TCF7L1: variants seen among roughly 807,000 people sequenced by gnomAD.
TCF7L1 encodes transcription factor 7 like 1.
In TCF7L1, 18 loss-of-function variants were observed where a neutral mutation model predicts 63.7. The ratio of observed to expected loss-of-function variants is 0.28; its 90% CI spans 0.20 to 0.42. TCF7L1 has a LOEUF of 0.42. Ranked by LOEUF, TCF7L1 falls within the 10% of genes least tolerant of loss-of-function variation. The pLI, the probability that TCF7L1 is intolerant of heterozygous loss-of-function variation, is 1.00. For synonymous variants in TCF7L1, 355 were observed against 340.9 expected (o/e 1.04, Z -0.46); for missense variants, 654 against 779.3 (o/e 0.84, Z 1.91).
chr2:85,167,969 G>T (rs1678458886), intron 3 of TCF7L1, among the ~76,000 whole-genome samples: 1 of 152,172 alleles, frequency 6.6e-6, no homozygotes, highest in Non-Finnish European at 1.5e-5. Context: ...GACAAATATT[G>T]TATGATTCTG....
chr2:85,180,277 T>C (rs1483520646), intron 3 of TCF7L1, among the ~76,000 whole-genome samples: 1 of 151,516 alleles, frequency 6.6e-6, no homozygotes, highest in Non-Finnish European at 1.5e-5. Context: ...TGTTGTATGT[T>C]ACCCAGGCTG....
chr2:85,163,740 G>C (rs1281586046), intron 3 of TCF7L1, among the ~76,000 whole-genome samples: 1 of 152,138 alleles, frequency 6.6e-6, no homozygotes, highest in Non-Finnish European at 1.5e-5. Flanking sequence ...GGCTGTGCGG[G>C]AGGGATCTGC....
In TCF7L1 at chr2:85,176,026, T is replaced by C. The variant is rs545581052; in HGVS notation, c.441+41576T>C. ...GACTTCCTTCTGATGAAATATTTACTAGCTTTTGTAGGAAGCCATCTCCTC... is the reference window on the plus strand; with the variant it reads ...GACTTCCTTCTGATGAAATATTTACCAGCTTTTGTAGGAAGCCATCTCCTC... On this transcript the variant is annotated intron_variant, in intron 3 of 11. Coordinates refer to ENST00000282111, the MANE Select transcript of TCF7L1 (RefSeq NM_031283.3). Among the ~76,000 whole-genome samples the C allele has an allele frequency of 2.6e-5, 4 of 152,366 alleles. No homozygotes were observed. In the East Asian group the frequency reaches 7.7e-4, roughly 29 times the overall value.
At chr2:85,164,446 T>C (rs1678367551) in intron 3 of TCF7L1, among the ~76,000 whole-genome samples, 1 of 152,162 alleles carries the variant, frequency 6.6e-6, no homozygotes, top group East Asian at 1.9e-4. Flanking sequence ...AAGAGGGGTT[T>C]GTTTTAAAGC....
At chr2:85,308,543 CT>C (rs1682196406) in intron 11 of TCF7L1, among the ~76,000 whole-genome samples, 2 of 132,026 alleles carry the variant, frequency 1.5e-5, no homozygotes, top group South Asian at 2.7e-4. Flanking sequence ...CCCTCCCTTT[CT>C]CCTTCCCTCC....
In TCF7L1 at chr2:85,306,418, G is replaced by A; in HGVS notation, c.1150-34G>A. On this transcript the variant is annotated intron_variant, in intron 9 of 11. Coordinates refer to ENST00000282111, the MANE Select transcript of TCF7L1 (RefSeq NM_031283.3). The surrounding 1 kb of genome is among the most constrained non-coding windows in gnomAD (Gnocchi z 4.3). ...AGGGAGGCAGCGTCCCTGCATTGATGGCTCCGTGTGGTCTCTGACCCTCTC... is the reference window on the plus strand; with the variant it reads ...AGGGAGGCAGCGTCCCTGCATTGATAGCTCCGTGTGGTCTCTGACCCTCTC... The A allele has an allele frequency of 6.2e-7, 1 of 1,613,682 alleles. No individual in the cohort carries two copies. The highest frequency in any genetic ancestry group is 8.5e-7 in the Non-Finnish European group (1 of 1,179,626).
intron 3 of TCF7L1, among the ~76,000 whole-genome samples, chr2:85,281,020 CTTTTTTTTTTT>C (rs56111730): frequency 9.5e-6 from 1 of 105,654 alleles, no homozygotes; most frequent in East Asian, 2.8e-4. Context: ...CCATTAGCTC[CTTTTTTTTTTT>C]TTTTTTTTTT....
Position 85,305,315 on chromosome 2 carries a change from C to T in TCF7L1, c.901C>T (p.Pro301Ser), listed in dbSNP as rs753284958. The T allele has an allele frequency of 6.2e-7, 1 of 1,613,962 alleles. No individual in the cohort carries two copies. ...GGTGGCTCCTGCCCACCCTGGCCTGCCCACCTCAGGGATCCCCCACCCTGC... is the reference window on the plus strand; with the variant it reads ...GGTGGCTCCTGCCCACCCTGGCCTGTCCACCTCAGGGATCCCCCACCCTGC... ...HMVAPAHPGL[P>S]TSGIPHPAIV... The change falls in exon 8 of 12, where the codon CCC (proline) becomes TCC (serine). Residue 301 changes from proline (P) to serine (S), a missense_variant. Pro to Ser is a moderately conservative substitution (Grantham distance 74). Coordinates refer to ENST00000282111, the MANE Select transcript of TCF7L1 (RefSeq NM_031283.3).
In TCF7L1 at chr2:85,134,512, G is replaced by A. The variant is rs536163850; in HGVS notation, c.441+62G>A. 101 of 1,534,042 alleles carry A rather than the reference G, an allele frequency of 6.6e-5. No individual in the cohort carries two copies. The African/African-American group carries it at 1.0e-3, about 16-fold the overall frequency. On this transcript the variant is annotated intron_variant, in intron 3 of 11. Coordinates refer to ENST00000282111, the MANE Select transcript of TCF7L1 (RefSeq NM_031283.3). This position sits in a 1 kb window ranked among gnomAD's most constrained non-coding sequence, Gnocchi z 5.0. The stretch of plus-strand genomic sequence containing the variant: ...GCCGCGGCCCGCAGGATGCGCCCCC[G>A]GGCTTGGCCATGGAGTGGGGGATGG...
chr2:85,309,408 C>T lies in TCF7L1; in HGVS notation c.1713C>T (p.Ala571=), dbSNP rs1471661971. 1.3e-6 allele frequency: 2 copies of T among 1,581,644 alleles called. No individual in the cohort carries two copies. Among genetic ancestry groups the T allele is most frequent in the South Asian group, 1.2e-5 (1 of 85,660 alleles). ...CCGCCACGCTCCATGCCCACCAGGC[C>T]CTCCCGGTGCTACAGGCCCAGCCTC... ...SFPATLHAHQ[A]LPVLQAQPLS... is the part of the protein sequence containing the mutation. Residue 571 remains alanine (A), a synonymous_variant, in exon 12 of 12, where the codon GCC becomes GCT. Transcript: ENST00000282111.
chr2:85,145,117 C>A (rs1677851106), intron 3 of TCF7L1, among the ~76,000 whole-genome samples: 1 of 151,272 alleles, frequency 6.6e-6, no homozygotes, highest in African/African-American at 2.4e-5. Context: ...CTTTACTTCC[C>A]AAATTACTTT....
intron 3 of TCF7L1, among the ~76,000 whole-genome samples, chr2:85,280,271 A>G (rs1681380307): frequency 1.3e-5 from 2 of 152,152 alleles, no homozygotes; most frequent in African/African-American, 4.8e-5. Context: ...GAGGCCAAAG[A>G]TGTTGTTAAA....
At chr2:85,289,572 G>C (rs1681640419) in intron 4 of TCF7L1, among the ~76,000 whole-genome samples, 1 of 152,188 alleles carries the variant, frequency 6.6e-6, no homozygotes, top group South Asian at 2.1e-4. Context: ...GATGAGGTTA[G>C]TGCAAAGGCA....
Position 85,252,051 on chromosome 2 carries a change from G to GC in TCF7L1, c.442-31444_442-31443insC, listed in dbSNP as rs1179719943. 2.0e-5 allele frequency among the ~76,000 whole-genome samples: 3 copies of GC among 152,276 alleles called. No individual in the cohort carries two copies. The South Asian group carries it at 6.2e-4, about 32-fold the overall frequency. ...GATTGCGCCACTGCACTCCAGCCTG[G>GC]GTAACAGAGTAAGATCCTCTCTCAA... is the stretch of plus-strand genomic sequence containing the variant. On this transcript the variant is annotated intron_variant, in intron 3 of 11. Transcript: ENST00000282111.
intron 4 of TCF7L1, among the ~76,000 whole-genome samples, chr2:85,299,520 T>C (rs1452513033): frequency 6.7e-6 from 1 of 149,842 alleles, no homozygotes; most frequent in African/African-American, 2.5e-5. Context: ...CCACTTGCAC[T>C]CCAGCCTGGG....
chr2:85,305,723 G>C (rs1438273553), intron 8 of TCF7L1, among the ~76,000 whole-genome samples: 2 of 152,198 alleles, frequency 1.3e-5, no homozygotes, highest in African/African-American at 4.8e-5. Context: ...CCAGAAAGGA[G>C]ACAGTGTTTT....
chr2:85,156,023 G>A (rs1052531616), intron 3 of TCF7L1, among the ~76,000 whole-genome samples: 2 of 152,190 alleles, frequency 1.3e-5, no homozygotes, highest in African/African-American at 4.8e-5. Flanking sequence ...AAGTCATAAT[G>A]AGGTAAAAAA....
intron 3 of TCF7L1, among the ~76,000 whole-genome samples, chr2:85,155,120 T>G (rs888178074): frequency 6.6e-6 from 1 of 152,138 alleles, no homozygotes; most frequent in Non-Finnish European, 1.5e-5. Context: ...CAGCAGAACA[T>G]TTTTTCTCCA....
At chr2:85,290,399 C>G (rs1457443594) in intron 4 of TCF7L1, among the ~76,000 whole-genome samples, 2 of 152,188 alleles carry the variant, frequency 1.3e-5, no homozygotes, top group African/African-American at 4.8e-5. Flanking sequence ...TGGCCTTGCA[C>G]TCCTGGCCTC....
Sources: gnomAD v4.1 joint callset for allele counts (sites outside exome capture counted in the v4.1 genomes callset) on GRCh38, gnomAD v4.1.1 for gene constraint, Gnocchi (gnomAD v3.1) non-coding constraint, MANE v1.5 for transcripts, NCBI Gene and HGNC (gene_info 2026-07-23, HGNC 2026-07-21) for gene names.